LMO4: variants seen among roughly 807,000 people sequenced by gnomAD.
LMO4 encodes LIM domain only 4.
LMO4 carries 3 observed loss-of-function variants against 18.5 expected under a neutral mutation model. The observed-to-expected ratio is 0.16, with a 90% CI of 0.07 to 0.42. LMO4 has a LOEUF of 0.42. Among genes scored for constraint, LMO4 ranks in the 10% least tolerant of loss-of-function variants. LMO4 has a pLI of 0.99. For synonymous variants in LMO4, 100 were observed against 88.1 expected, an observed-to-expected ratio of 1.14 and a Z score of -0.76; for missense variants, 121 against 219.9, an observed-to-expected ratio of 0.55 and a Z score of 2.84.
At chr1:87,340,903 C>G (rs1453148152) in intron 4 of LMO4, among the ~76,000 whole-genome samples, 1 of 152,146 alleles carries the variant, frequency 6.6e-6, no homozygotes, top group East Asian at 1.9e-4. Context: ...GGAAATTATA[C>G]AAGTATACAA....
intron 4 of LMO4, 72 bp from the exon 5 acceptor site, chr1:87,344,716 G>GC: frequency 1.4e-6 from 2 of 1,444,832 alleles, no homozygotes; most frequent in Non-Finnish European, 1.9e-6. Flanking sequence ...GAAGACAAAA[G>GC]CAGTCATGTT....
In LMO4 at chr1:87,345,555, A is replaced by G. The variant is rs1650603048; in HGVS notation, c.*759A>G. 6.6e-6 allele frequency: 1 copy of G among 152,198 alleles called. No individual in the cohort carries two copies. The highest frequency in any genetic ancestry group is 2.4e-5 in the African/African-American group (1 of 41,448). The allele number at this position is 152,198 out of a possible 1,614,324, so 9.4% of individuals were successfully genotyped here. ...ATTTGCTCTAGTATGGTGTATTTAA[A>G]TAATAAAAACTTAAAAGAAAAAATA... On this transcript the variant is annotated 3_prime_UTR_variant, in exon 5 of 5. Transcript: ENST00000370544.
chr1:87,334,185 TCTTA>T (rs936569918), intron 2 of LMO4, among the ~76,000 whole-genome samples: 2 of 152,140 alleles, frequency 1.3e-5, no homozygotes, highest in Non-Finnish European at 2.9e-5. Flanking sequence ...GCATCTACGT[TCTTA>T]CTTCCTTTTT....
rs915769673 is a variant in LMO4, at chr1:87,347,758, G to T, written c.*2962G>T. On this transcript the variant is annotated 3_prime_UTR_variant, in exon 5 of 5. Transcript: ENST00000370544. ...TTGTAAAAAGATAGTCCTCTAAAAG[G>T]GTTTAATGTTTTTTACCTATCTAAC... The T allele has an allele frequency of 1.3e-5, 2 of 152,052 alleles. No individual in the cohort carries two copies. Among genetic ancestry groups the T allele is most frequent in the Non-Finnish European group, 2.9e-5 (2 of 67,988 alleles). 9.4% of individuals were successfully genotyped at this position (152,052 alleles called of 1,614,324 possible).
At chr1:87,336,872 A>G (rs1222278413) in intron 2 of LMO4, among the ~76,000 whole-genome samples, 2 of 152,172 alleles carry the variant, frequency 1.3e-5, no homozygotes, top group Non-Finnish European at 2.9e-5. Flanking sequence ...ACCGATAGCT[A>G]CTTAATTGAG....
chr1:87,332,048 C>G lies in LMO4; in HGVS notation c.33C>G (p.Pro11=). 6.2e-7 allele frequency: 1 copy of G among 1,613,214 alleles called. No individual in the cohort carries two copies. Among genetic ancestry groups the G allele is most frequent in the Non-Finnish European group, 8.5e-7 (1 of 1,179,906 alleles). Residue 11 remains proline, a synonymous_variant, in exon 2 of 5, where the codon CCC becomes CCG. Transcript: ENST00000370544. The part of the protein sequence containing the change: MVNPGSSSQP[P]PVTAGSLSWK... ...ATCCGGGCAGCAGCTCGCAGCCGCC[C>G]CCGGTGACGGCCGGCTCCCTCTCCT...
chr1:87,328,978 G>A lies in LMO4; in HGVS notation c.-270G>A, dbSNP rs954001872. The A allele has an allele frequency of 4.6e-5, 7 of 151,802 alleles. No homozygotes were observed. The highest frequency in any genetic ancestry group is 1.7e-4 in the African/African-American group (7 of 41,440). 9.4% of individuals were successfully genotyped at this position (151,802 alleles called of 1,614,324 possible). ...AGCTGCTCGCGCGCAGTCGGAGGCG[G>A]AGAAGGACGAAGACTGAGACTGACA... On this transcript the variant is annotated 5_prime_UTR_variant, in exon 1 of 5. Transcript: ENST00000370544.
intron 2 of LMO4, 131 bp from the exon 3 acceptor site, chr1:87,339,405 T>C: frequency 1.6e-6 from 1 of 626,732 alleles, no homozygotes; most frequent in Non-Finnish European, 2.8e-6. Context: ...TCAGAAAATC[T>C]GAGGCTTGAG....
Position 87,329,140 on chromosome 1 carries a change from C to CTCCT in LMO4, c.-105_-104insTTCC, listed in dbSNP as rs1650056051. 1 of 152,382 alleles carries CTCCT rather than the reference C, an allele frequency of 6.6e-6. No homozygotes were observed. Among genetic ancestry groups the CTCCT allele is most frequent in the Non-Finnish European group, 1.5e-5 (1 of 68,088 alleles). 9.4% of individuals were successfully genotyped at this position (152,382 alleles called of 1,614,324 possible). On this transcript the variant is annotated 5_prime_UTR_variant, in exon 1 of 5. Transcript: ENST00000370544. ...GCTTCTGCGAGAACTCCCTCCCTCC[C>CTCCT]TCCAGCTCCGCCAGCCCAGGCGCCC... is the stretch of plus-strand genomic sequence containing the variant.
chr1:87,339,708 T>A (rs1011716284), intron 3 of LMO4, 76 bp downstream of exon 3: 5 of 915,698 alleles, frequency 5.5e-6, no homozygotes, highest in Non-Finnish European at 8.6e-6. Context: ...AAAGCATTTC[T>A]CCTTGGTATG....
intron 1 of LMO4, among the ~76,000 whole-genome samples, chr1:87,329,961 T>G (rs1650086110): frequency 6.6e-6 from 1 of 152,050 alleles, no homozygotes; most frequent in South Asian, 2.1e-4. Flanking sequence ...ATTGCTTGGC[T>G]ATGTAATTAC....
chr1:87,330,640 T>A (rs1464816356), intron 1 of LMO4, among the ~76,000 whole-genome samples: 1 of 151,330 alleles, frequency 6.6e-6, no homozygotes, highest in African/African-American at 2.4e-5. Context: ...TCCTTCCTCG[T>A]TTTTTTTGCA....
chr1:87,339,066 C>T (rs923773564), intron 2 of LMO4, among the ~76,000 whole-genome samples: 10 of 152,156 alleles, frequency 6.6e-5, no homozygotes, highest in Non-Finnish European at 1.5e-5. Flanking sequence ...TGGAGGTTTA[C>T]GGGAGTTTCA....
Position 87,337,502 on chromosome 1 carries a change from T to C in LMO4, c.237-2034T>C, listed in dbSNP as rs529028486. On this transcript the variant is annotated intron_variant, in intron 2 of 4. Coordinates refer to ENST00000370544, the MANE Select transcript of LMO4 (RefSeq NM_006769.4). ...TGGCAACCATAATTATAGATTCTTA[T>C]CCATTAAAATACTTCAGGGTTGCTG... 7.2e-5 allele frequency among the ~76,000 whole-genome samples: 11 copies of C among 152,332 alleles called. No individual in the cohort carries two copies. In the South Asian group the frequency reaches 1.7e-3, roughly 23 times the overall value.
In LMO4 at chr1:87,330,107, T is replaced by A. The variant is rs150032699; in HGVS notation, c.-4+863T>A. Among the ~76,000 whole-genome samples, 918 of 152,152 alleles carry A rather than the reference T, an allele frequency of 6.0e-3. 5 individuals carry two copies. Among genetic ancestry groups the A allele is most frequent in the Non-Finnish European group, 0.011 (727 of 68,004 alleles). Reference sequence around the variant, plus strand: ...GGTCAGTCTTCTTGATTCATCTCTTTTAGATTTAATCAGCATTAAGGTATT... The same window carrying A: ...GGTCAGTCTTCTTGATTCATCTCTTATAGATTTAATCAGCATTAAGGTATT... On this transcript the variant is annotated intron_variant, in intron 1 of 4. Transcript: ENST00000370544.
chr1:87,329,805 C>T (rs1016786507), intron 1 of LMO4, among the ~76,000 whole-genome samples: 7 of 152,106 alleles, frequency 4.6e-5, no homozygotes, highest in Non-Finnish European at 8.8e-5. Flanking sequence ...ATTAAGCATC[C>T]ATTTTTGTAC....
intron 2 of LMO4, among the ~76,000 whole-genome samples, chr1:87,334,737 C>T (rs951341502): frequency 6.6e-6 from 1 of 152,022 alleles, no homozygotes; most frequent in East Asian, 1.9e-4. Flanking sequence ...GATGAGGGGG[C>T]GCTTTCACCA....
chr1:87,345,228 TGTAAG>T lies in LMO4; in HGVS notation c.*434_*438del. The T allele has an allele frequency of 6.2e-6, 1 of 160,954 alleles. No homozygotes were observed. Among genetic ancestry groups the T allele is most frequent in the Non-Finnish European group, 1.4e-5 (1 of 73,956 alleles). The allele number at this position is 160,954 out of a possible 1,614,324, so 10.0% of individuals were successfully genotyped here. On this transcript the variant is annotated 3_prime_UTR_variant, in exon 5 of 5. Transcript: ENST00000370544. ...ATTTGCTCTTTGTATATTTAAGTGTTGTAAGGAAACGTGTTTCAATCAAAACTGAC... is the reference window on the plus strand; with the variant it reads ...ATTTGCTCTTTGTATATTTAAGTGTTGAAACGTGTTTCAATCAAAACTGAC...
chr1:87,330,112 T>C (rs982709549), intron 1 of LMO4, among the ~76,000 whole-genome samples: 2 of 151,986 alleles, frequency 1.3e-5, no homozygotes, highest in African/African-American at 4.8e-5. Flanking sequence ...CTCTTTTAGA[T>C]TTAATCAGCA....
Sources: allele counts gnomAD v4.1 joint callset (sites outside exome capture counted in the v4.1 genomes callset), GRCh38; gene constraint gnomAD v4.1.1; transcripts MANE v1.5; gene names NCBI Gene and HGNC (gene_info 2026-07-23, HGNC 2026-07-21).